The following SAE1 variants were observed in gnomAD, a reference collection of about 807,000 sequenced individuals.
SAE1 encodes the protein SUMO1 activating enzyme subunit 1.
In SAE1, 11 loss-of-function variants were observed where a neutral mutation model predicts 40.6. The ratio of observed to expected loss-of-function variants is 0.27; its 90% CI spans 0.17 to 0.45. The LOEUF is 0.45. Among genes scored for constraint, SAE1 ranks in the 20% least tolerant of loss-of-function variants. The pLI is 1.00. For synonymous variants in SAE1, 155 were observed against 154.3 expected (o/e 1.00, Z -0.03); for missense variants, 373 against 427.3 (o/e 0.87, Z 1.12).
chr19:47,185,373 C>T lies in SAE1; in HGVS notation c.734-11860C>T, dbSNP rs917099785. ...CCCAGGTTGGAGTGCGGTGGTGTGT[C>T]GGCTCACTGCGACCTCCACCTCCCA... is the stretch of plus-strand genomic sequence containing the variant. On this transcript the variant is annotated intron_variant, in intron 6 of 8. Coordinates refer to ENST00000270225, the MANE Select transcript of SAE1 (RefSeq NM_005500.3). 8.6e-5 allele frequency among the ~76,000 whole-genome samples: 13 copies of T among 151,506 alleles called. 1 individual carries two copies. The highest frequency in any genetic ancestry group is 2.4e-4 in the African/African-American group (10 of 41,222).
intron 7 of SAE1, among the ~76,000 whole-genome samples, chr19:47,201,389 T>TTC (rs2058654303): frequency 7.9e-6 from 1 of 125,878 alleles, no homozygotes; most frequent in African/African-American, 3.2e-5. Context: ...TTTTTTTTTT[T>TTC]GAATCAGAGT....
intron 6 of SAE1, 50 bp from the exon 7 acceptor site, chr19:47,197,181 CAA>C (rs372707074): frequency 5.4e-3 from 7,261 of 1,349,732 alleles, no homozygotes; most frequent in South Asian, 0.011. Context: ...CCTCCATCTC[CAA>C]AAAAAAAAAA....
At chr19:47,206,253 C>G (rs1272239257) in intron 8 of SAE1, among the ~76,000 whole-genome samples, 1 of 152,204 alleles carries the variant, frequency 6.6e-6, no homozygotes, top group Non-Finnish European at 1.5e-5. Flanking sequence ...CCTACCCCAT[C>G]TTGCTTGGGA....
At chr19:47,188,269 T>G (rs1300007527) in intron 6 of SAE1, among the ~76,000 whole-genome samples, 1 of 151,686 alleles carries the variant, frequency 6.6e-6, no homozygotes, top group Non-Finnish European at 1.5e-5. Context: ...GAGGATCACT[T>G]GAGTTCAGGA....
rs1304787618 is a variant in SAE1, at chr19:47,197,219, T to C, written c.734-14T>C. On this transcript the variant is annotated splice_polypyrimidine_tract_variant and intron_variant, in intron 6 of 8. Transcript: ENST00000270225. ...AAGTGGCTTTATAACCTGCCTTCTT[T>C]TTCTTATTCCCAGTGCTCTTAAAGT... 1 of 1,584,832 alleles carries C rather than the reference T, an allele frequency of 6.3e-7. No individual in the cohort carries two copies. The highest frequency in any genetic ancestry group is 1.4e-5 in the African/African-American group (1 of 72,878).
chr19:47,193,455 CAGAA>C (rs1416809866), intron 6 of SAE1, among the ~76,000 whole-genome samples: 1 of 151,840 alleles, frequency 6.6e-6, no homozygotes, highest in Non-Finnish European at 1.5e-5. Context: ...GTAACATTCT[CAGAA>C]AGCAAACAGT....
chr19:47,173,986 G>A (rs1395032453), intron 6 of SAE1, among the ~76,000 whole-genome samples: 3 of 151,636 alleles, frequency 2.0e-5, no homozygotes, highest in African/African-American at 7.3e-5. Context: ...GGGTTTCACC[G>A]CGTTAGCCAG....
rs112173329 is a variant in SAE1, at chr19:47,163,726, C to G, written c.628-6092C>G. ...TGGGCGACAGAGCAAGACTCTATCT[C>G]AAAAATAAATAAATAAATAAAGTAT... On this transcript the variant is annotated intron_variant, in intron 5 of 8. Coordinates refer to ENST00000270225, the MANE Select transcript of SAE1 (RefSeq NM_005500.3). 7.2e-3 allele frequency among the ~76,000 whole-genome samples: 1,088 copies of G among 152,042 alleles called. 11 individuals are homozygous for G. Among genetic ancestry groups the G allele is most frequent in the African/African-American group, 0.025 (1,051 of 41,480 alleles).
chr19:47,163,687 G>A lies in SAE1; in HGVS notation c.628-6131G>A, dbSNP rs141469111. Among the ~76,000 whole-genome samples, 538 of 152,062 alleles carry A rather than the reference G, an allele frequency of 3.5e-3. 2 individuals are homozygous for A. Among genetic ancestry groups the A allele is most frequent in the African/African-American group, 0.012 (501 of 41,500 alleles). ...GGTTGCAGTGAGCCAAGATCGCACCGTTGCACTCCAGCCTGGGCGACAGAG... is the reference window on the plus strand; with the variant it reads ...GGTTGCAGTGAGCCAAGATCGCACCATTGCACTCCAGCCTGGGCGACAGAG... On this transcript the variant is annotated intron_variant, in intron 5 of 8. Transcript: ENST00000270225.
chr19:47,149,377 G>T (rs1481276334), intron 2 of SAE1, among the ~76,000 whole-genome samples: 2 of 151,360 alleles, frequency 1.3e-5, no homozygotes, highest in Non-Finnish European at 2.9e-5. Flanking sequence ...CACCATGTTG[G>T]CCAGGTTGGT....
intron 3 of SAE1, 124 bp downstream of exon 3, chr19:47,150,499 G>A: frequency 1.3e-6 from 1 of 764,196 alleles, no homozygotes; most frequent in East Asian, 2.6e-5. Context: ...TTTTTCCCAA[G>A]AAAATGTATA....
intron 2 of SAE1, among the ~76,000 whole-genome samples, chr19:47,144,542 AC>A (rs2058242852): frequency 6.7e-6 from 1 of 149,994 alleles, no homozygotes; most frequent in South Asian, 2.1e-4. Flanking sequence ...TACTAAAGAC[AC>A]AAAAAATTAG....
chr19:47,172,880 G>A (rs1042735500), intron 6 of SAE1, among the ~76,000 whole-genome samples: 5 of 152,098 alleles, frequency 3.3e-5, no homozygotes, highest in Non-Finnish European at 7.3e-5. Context: ...TCTCACAAAG[G>A]CCCTCAGGCA....
chr19:47,180,517 G>A (rs560743229), intron 6 of SAE1, among the ~76,000 whole-genome samples: 3 of 152,322 alleles, frequency 2.0e-5, no homozygotes, highest in East Asian at 3.9e-4. Context: ...CGGTGAAACA[G>A]TGTAGATGTT....
At chr19:47,184,428 T>A (rs2058530616) in intron 6 of SAE1, among the ~76,000 whole-genome samples, 1 of 152,130 alleles carries the variant, frequency 6.6e-6, no homozygotes, top group Non-Finnish European at 1.5e-5. Context: ...GTTTGTTTTT[T>A]AGATGGAGTC....
chr19:47,133,055 T>C lies in SAE1; in HGVS notation c.98+2027T>C, dbSNP rs118175860. ...GCCCTGTGGTCATCTGGGAGAACTT[T>C]CCTAGCTAAGAGAACAGCAAGTGCA... On this transcript the variant is annotated intron_variant, in intron 1 of 8. Transcript: ENST00000270225. Among the ~76,000 whole-genome samples the C allele has an allele frequency of 5.7e-4, 87 of 152,282 alleles. 2 individuals are homozygous for C. The East Asian group carries it at 0.016, about 28-fold the overall frequency.
intron 6 of SAE1, among the ~76,000 whole-genome samples, chr19:47,176,158 G>A (rs918743063): frequency 2.0e-5 from 3 of 152,158 alleles, no homozygotes; most frequent in Non-Finnish European, 2.9e-5. Flanking sequence ...ACTTGATGGC[G>A]TAAATGGTAG....
intron 1 of SAE1, among the ~76,000 whole-genome samples, chr19:47,132,224 A>C (rs1452778622): frequency 6.6e-6 from 1 of 150,954 alleles, no homozygotes; most frequent in East Asian, 1.9e-4. Flanking sequence ...CAGCCTCCCA[A>C]AGTGGTTGGA....
chr19:47,197,372 T>G lies in SAE1; in HGVS notation c.873T>G (p.Phe291Leu), dbSNP rs1390598865. The part of the protein sequence containing the change: ...GISPDLLPED[F>L]VRYCFSEMAP... ...GTCCTGACCTGCTTCCTGAGGACTT[T>G]GTCAGGTTGGTGTCAGTATTTATCA... The change falls in exon 7 of 9, where the codon TTT (phenylalanine) becomes TTG (leucine). Residue 291 changes from phenylalanine to leucine, a missense_variant. This residue lies in a region of SAE1 where 351 missense variants were observed against 390.6 expected (regional missense o/e 0.90). Coordinates refer to ENST00000270225, the MANE Select transcript of SAE1 (RefSeq NM_005500.3). 3 of 1,612,366 alleles carry G rather than the reference T, an allele frequency of 1.9e-6. No individual in the cohort carries two copies. The Admixed American group carries it at 5.0e-5, about 27-fold the overall frequency.
Sources: allele counts gnomAD v4.1 joint callset (sites outside exome capture counted in the v4.1 genomes callset), GRCh38; gene constraint gnomAD v4.1.1; regional missense constraint gnomAD v4.1.1; transcripts MANE v1.5; gene names NCBI Gene and HGNC (gene_info 2026-07-23, HGNC 2026-07-21).